The following NLRP12 variants were observed in gnomAD, a reference collection of about 807,000 sequenced individuals.
The protein encoded by NLRP12 is NLR family pyrin domain containing 12, also known as NACHT, LRR and PYD domains-containing protein 12.
Under a neutral mutation model 91.2 loss-of-function variants are expected in NLRP12, and 108 were observed. The ratio of observed to expected loss-of-function variants is 1.18; its 90% CI spans 1.01 to 1.39. NLRP12 has a LOEUF of 1.39. Among genes scored for constraint, NLRP12 ranks in the 40% most tolerant of loss-of-function variants. NLRP12 has a pLI of 0.00. For synonymous variants in NLRP12, 613 were observed against 566.7 expected (o/e 1.08, Z -1.16); for missense variants, 1,530 against 1,352.7 (o/e 1.13, Z -2.06).
rs35064500 is a variant in NLRP12, at chr19:53,795,911, G to C, written c.3046C>G (p.Arg1016Gly). Residue 1016 changes from arginine to glycine, a missense_variant, in exon 9 of 10, where the codon CGA becomes GGA. Coordinates refer to ENST00000324134, the MANE Select transcript of NLRP12 (RefSeq NM_144687.4). ...TGGCTCAGCCGCTTGCAAAGCAGTC[G>C]GACACCTGTGTCCCCTAGGGCGTTG... Reference protein sequence around the residue: ...TNNALGDTGVRLLCKRLSHPG... With the variant: ...TNNALGDTGVGLLCKRLSHPG... 1 of 1,614,096 alleles carries C rather than the reference G, an allele frequency of 6.2e-7. No homozygotes were observed. Among genetic ancestry groups the C allele is most frequent in the South Asian group, 1.1e-5 (1 of 91,086 alleles).
intron 1 of NLRP12, among the ~76,000 whole-genome samples, chr19:53,816,062 G>A (rs867283713): frequency 2.0e-5 from 3 of 151,128 alleles, no homozygotes; most frequent in Non-Finnish European, 2.9e-5. Flanking sequence ...ATGGGCCATC[G>A]TGCCCAGCCC....
intron 8 of NLRP12, among the ~76,000 whole-genome samples, chr19:53,796,866 TG>T (rs1732269165): frequency 6.6e-6 from 1 of 150,936 alleles, no homozygotes; most frequent in Non-Finnish European, 1.5e-5. Flanking sequence ...TGGTGGCGCA[TG>T]CCTGTAATCC....
At chr19:53,797,258 T>C (rs1032230606) in intron 8 of NLRP12, among the ~76,000 whole-genome samples, 2 of 151,772 alleles carry the variant, frequency 1.3e-5, no homozygotes, top group African/African-American at 4.8e-5. Flanking sequence ...CAGCCTCCTG[T>C]GTAGCTGGGA....
At chr19:53,815,240 T>C (rs2092140475) in intron 1 of NLRP12, among the ~76,000 whole-genome samples, 1 of 147,992 alleles carries the variant, frequency 6.8e-6, no homozygotes, top group Non-Finnish European at 1.5e-5. Flanking sequence ...TTTTTTTTTT[T>C]TTTTTTGAGA....
rs1214589671 is a variant in NLRP12 at position 53,798,263 on chromosome 19, G to A, written c.2907C>T (p.Ala969=). The part of the protein sequence containing the change: ...WLLAEGLQHP[A]CRLQKLWLDS... ...CTCACCACAGTTTCTGGAGTCTGCAGGCGGGATGTTGCAGCCCCTCAGCCA... is the reference window on the plus strand; with the variant it reads ...CTCACCACAGTTTCTGGAGTCTGCAAGCGGGATGTTGCAGCCCCTCAGCCA... Residue 969 remains alanine, a synonymous_variant, in exon 8 of 10, where the codon GCC becomes GCT. Transcript: ENST00000324134. 1 of 1,614,222 alleles carries A rather than the reference G, an allele frequency of 6.2e-7. No homozygotes were observed. Among genetic ancestry groups the A allele is most frequent in the Non-Finnish European group, 8.5e-7 (1 of 1,180,046 alleles).
At chr19:53,822,556 C>A (rs1290037681) in intron 1 of NLRP12, among the ~76,000 whole-genome samples, 1 of 151,800 alleles carries the variant, frequency 6.6e-6, no homozygotes, top group Non-Finnish European at 1.5e-5. Flanking sequence ...GATAGTGAAA[C>A]CCCGTCTCTA....
chr19:53,810,488 C>A lies in NLRP12; in HGVS notation c.1171G>T (p.Val391Leu). ...AEQAGQVFNY[V>L]RDNEPLFTMC... ...GTGAAGAGAGGCTCGTTGTCCCTCA[C>A]GTAATTGAAGACTTGGCCCGCCTGC... Residue 391 changes from valine (V) to leucine (L), a missense_variant, in exon 3 of 10, where the codon GTG (valine) becomes TTG (leucine). Coordinates refer to ENST00000324134, the MANE Select transcript of NLRP12 (RefSeq NM_144687.4). 1.2e-6 allele frequency: 2 copies of A among 1,614,092 alleles called. No individual in the cohort carries two copies. Among genetic ancestry groups the A allele is most frequent in the Non-Finnish European group, 1.7e-6 (2 of 1,180,014 alleles).
intron 1 of NLRP12, among the ~76,000 whole-genome samples, chr19:53,821,741 G>C (rs4632248): frequency 3.3e-5 from 5 of 151,956 alleles, no homozygotes; most frequent in Non-Finnish European, 7.4e-5. Flanking sequence ...AGCCAGAGTG[G>C]TGGGAGCGAG....
chr19:53,807,964 G>A (rs1014316640), intron 3 of NLRP12: 4 of 388,190 alleles, frequency 1.0e-5, no homozygotes, highest in African/African-American at 8.3e-5. Context: ...TGGCCAGGCT[G>A]ATCTCGTACT....
chr19:53,820,714 G>A (rs943384112), intron 1 of NLRP12, among the ~76,000 whole-genome samples: 2 of 147,410 alleles, frequency 1.4e-5, no homozygotes, highest in African/African-American at 5.0e-5. Context: ...TTGAGACGGA[G>A]TCTTGCACTG....
intron 8 of NLRP12, among the ~76,000 whole-genome samples, chr19:53,797,306 ATTC>A (rs2091783150): frequency 1.3e-5 from 2 of 151,968 alleles, no homozygotes; most frequent in South Asian, 2.1e-4. Context: ...TAATTTTTGT[ATTC>A]TTAATAGAGA....
chr19:53,801,744 T>C (rs1403442895), intron 6 of NLRP12, among the ~76,000 whole-genome samples: 1 of 151,770 alleles, frequency 6.6e-6, no homozygotes, highest in African/African-American at 2.4e-5. Context: ...CGTGAGCCAC[T>C]GCGCCTAGGC....
rs952835348 is a variant in NLRP12, at chr19:53,807,384, T to C, written c.2243+111A>G. On this transcript the variant is annotated intron_variant, in intron 4 of 9. Transcript: ENST00000324134. The stretch of plus-strand genomic sequence containing the variant: ...CACCTGGCTTTGTGACACTTTTTTA[T>C]GGCAGCCGTAGCCAACGAATACACC... 1.8e-5 allele frequency: 20 copies of C among 1,107,650 alleles called. No homozygotes were observed. In the African/African-American group the frequency reaches 2.8e-4, roughly 16 times the overall value. 68.6% of individuals were successfully genotyped at this position (1,107,650 alleles called of 1,614,324 possible).
chr19:53,796,278 G>A (rs2091758304), intron 8 of NLRP12: 10 of 441,918 alleles, frequency 2.3e-5, no homozygotes, highest in South Asian at 1.7e-4. Context: ...TTGAGATGGA[G>A]TCTCCCTCTG....
rs75073147 is a variant in NLRP12, at chr19:53,805,264, G to A, written c.2414+16C>T. 9.9e-4 allele frequency: 1,601 copies of A among 1,612,526 alleles called. 19 individuals carry two copies. In the African/African-American group the frequency reaches 0.019, roughly 19 times the overall value. ...ACAATGAGCTTAAGAAGTTGCTCCC[G>A]GGGATAGAGACTCACTGAATCATCT... On this transcript the variant is annotated intron_variant, in intron 5 of 9. Coordinates refer to ENST00000324134, the MANE Select transcript of NLRP12 (RefSeq NM_144687.4).
intron 2 of NLRP12, 38 bp downstream of exon 2, chr19:53,814,870 G>A (rs755428634): frequency 1.9e-6 from 3 of 1,546,324 alleles, no homozygotes; most frequent in African/African-American, 2.7e-5. Context: ...GCTGCTCTGT[G>A]TAGATGAATA....
chr19:53,823,753 T>C (rs2122808815), intron 1 of NLRP12, 133 bp downstream of exon 1: 1 of 1,010,944 alleles, frequency 9.9e-7, no homozygotes, highest in African/African-American at 1.6e-5. Context: ...CCTCACTATG[T>C]TGTCCAGACT....
chr19:53,820,173 C>T (rs972117286), intron 1 of NLRP12, among the ~76,000 whole-genome samples: 1 of 152,094 alleles, frequency 6.6e-6, no homozygotes. Flanking sequence ...GGAGTCAAGA[C>T]TCTTTCTGCC....
Position 53,810,509 on chromosome 19 carries a change from C to T in NLRP12, c.1150G>A (p.Ala384Thr). 3.1e-6 allele frequency: 5 copies of T among 1,614,114 alleles called. No individual in the cohort carries two copies. Among genetic ancestry groups the T allele is most frequent in the Non-Finnish European group, 4.2e-6 (5 of 1,180,038 alleles). Residue 384 changes from alanine to threonine, a missense_variant, in exon 3 of 10, where the codon GCG becomes ACG. Physicochemically the swap from Ala to Thr is moderately conservative, Grantham distance 58 (BLOSUM62 0). Transcript: ENST00000324134. ...FYKYFHNAEQ[A>T]GQVFNYVRDN... ...CTCACGTAATTGAAGACTTGGCCCG[C>T]CTGCTCTGCATTGTGGAAATACTTG...
Sources: allele counts gnomAD v4.1 joint callset (sites outside exome capture counted in the v4.1 genomes callset), GRCh38; gene constraint gnomAD v4.1.1; transcripts MANE v1.5; gene names NCBI Gene and HGNC (gene_info 2026-07-23, HGNC 2026-07-21).